PAOX: variants seen among roughly 807,000 people sequenced by gnomAD.
PAOX encodes polyamine oxidase.
In PAOX, 38 loss-of-function variants were observed where a neutral mutation model predicts 39.0. That is an observed-to-expected ratio of 0.97 (90% CI 0.75 to 1.28). The LOEUF is 1.28. PAOX is among the 50% of genes most tolerant of loss of function. PAOX has a pLI of 0.00. For missense variants in PAOX, 667 were observed against 685.7 expected (o/e 0.97, Z 0.30); for synonymous variants, 311 against 314.4 (o/e 0.99, Z 0.11).
At position 133,384,219 on chromosome 10, in the gene PAOX, T is replaced by C; in HGVS notation, c.1121+7T>C. ...TGGTCCTGCCTGCCTTTGCGTACGT[T>C]TGCTCCCTGAGAAGTTCTGCGAGTG... On this transcript the variant is annotated splice_region_variant and intron_variant, in intron 4 of 6. Coordinates refer to ENST00000278060, the MANE Select transcript of PAOX (RefSeq NM_152911.4). This position sits in a 1 kb window ranked among gnomAD's most constrained non-coding sequence, Gnocchi z 4.3. 1 of 1,611,774 alleles carries C rather than the reference T, an allele frequency of 6.2e-7. No homozygotes were observed. Among genetic ancestry groups the C allele is most frequent in the Non-Finnish European group, 8.5e-7 (1 of 1,178,782 alleles).
At chr10:133,386,944 C>T (rs1849545873) in intron 4 of PAOX, among the ~76,000 whole-genome samples, 1 of 152,182 alleles carries the variant, frequency 6.6e-6, no homozygotes, top group African/African-American at 2.4e-5. Flanking sequence ...GTCTGTCTTG[C>T]ACTTTAAATG....
intron 6 of PAOX, 80 bp from the exon 7 acceptor site, chr10:133,391,232 T>G: frequency 1.4e-4 from 196 of 1,416,006 alleles, no homozygotes; most frequent in Non-Finnish European, 1.8e-4. Flanking sequence ...TGGATGCTTG[T>G]GAGCCATTTT....
intron 1 of PAOX, 176 bp downstream of exon 1, chr10:133,379,673 TAGTC>T (rs1015908949): frequency 4.9e-6 from 3 of 606,276 alleles, no homozygotes; most frequent in South Asian, 7.4e-5. Flanking sequence ...GGCTCAGAGT[TAGTC>T]AGGAGGGCGC....
In PAOX at chr10:133,389,767, CG is replaced by C. The variant is rs761546014; in HGVS notation, c.1392+26del. On this transcript the variant is annotated intron_variant, in intron 6 of 6. Transcript: ENST00000278060. ...GCCCAGGTATGTGGCGTGCCCCAGT[CG>C]GGGGGCGTGGGTCCCGCTGCAGAGG... The C allele has an allele frequency of 7.5e-6, 11 of 1,457,044 alleles. No homozygotes were observed. In the Admixed American group the frequency reaches 1.0e-4, roughly 13 times the overall value. 90.3% of individuals were successfully genotyped at this position (1,457,044 alleles called of 1,614,324 possible).
At position 133,391,613 on chromosome 10, in the gene PAOX, T is replaced by C; in HGVS notation, c.*158T>C. 1 of 1,190,760 alleles carries C rather than the reference T, an allele frequency of 8.4e-7. No individual in the cohort carries two copies. The highest frequency in any genetic ancestry group is 1.2e-6 in the Non-Finnish European group (1 of 868,806). 73.8% of individuals were successfully genotyped at this position (1,190,760 alleles called of 1,614,324 possible). On this transcript the variant is annotated 3_prime_UTR_variant, in exon 7 of 7. Transcript: ENST00000278060. ...CCTTCTCAGTTCTTGTGTCTGTTAT[T>C]GGAGTCTGGCCAGGGTTGACTTGAG...
intron 6 of PAOX, 93 bp from the exon 7 acceptor site, chr10:133,391,219 T>C: frequency 1.5e-6 from 2 of 1,296,088 alleles, no homozygotes; most frequent in Admixed American, 1.7e-5. Context: ...TCCTGCTTCT[T>C]GGTGGATGCT....
intron 4 of PAOX, among the ~76,000 whole-genome samples, chr10:133,386,465 A>G (rs1446202278): frequency 6.6e-6 from 1 of 152,152 alleles, no homozygotes; most frequent in Admixed American, 6.5e-5. Flanking sequence ...ATGTGGTTGG[A>G]AGAAGGAGTG....
Position 133,391,410 on chromosome 10 carries a change from C to T in PAOX, c.1491C>T (p.Leu497=), listed in dbSNP as rs140094339. 4.3e-5 allele frequency: 69 copies of T among 1,613,006 alleles called. No homozygotes were observed. In the East Asian group the frequency reaches 6.7e-4, roughly 16 times the overall value. The change falls in exon 7 of 7, where the codon CTC becomes CTT. Residue 497 remains leucine (L), a synonymous_variant. Transcript: ENST00000278060. Reference sequence around the variant, plus strand: ...GATGGAGGGAGGCCGACCGCCTCCTCAGTCTGTGGGCCCCGCAGGTGCAGC... The same window carrying T: ...GATGGAGGGAGGCCGACCGCCTCCTTAGTCTGTGGGCCCCGCAGGTGCAGC... ...LSGWREADRL[L]SLWAPQVQQP...
Position 133,391,517 on chromosome 10 carries a change from G to C in PAOX, c.*62G>C. 1.3e-6 allele frequency: 2 copies of C among 1,534,432 alleles called. No individual in the cohort carries two copies. Among genetic ancestry groups the C allele is most frequent in the Non-Finnish European group, 1.7e-6 (2 of 1,143,964 alleles). ...GTAGGCTGGGACCCTCATTTCTTCTGACAGATTTCAGTCTGGCTTGAAATT... is the reference window on the plus strand; with the variant it reads ...GTAGGCTGGGACCCTCATTTCTTCTCACAGATTTCAGTCTGGCTTGAAATT... On this transcript the variant is annotated 3_prime_UTR_variant, in exon 7 of 7. Coordinates refer to ENST00000278060, the MANE Select transcript of PAOX (RefSeq NM_152911.4).
Position 133,380,046 on chromosome 10 carries a change from G to A in PAOX, c.229G>A (p.Gly77Ser). 9 of 1,525,290 alleles carry A rather than the reference G, an allele frequency of 5.9e-6. No homozygotes were observed. Among genetic ancestry groups the A allele is most frequent in the Non-Finnish European group, 7.0e-6 (8 of 1,140,082 alleles). The allele number at this position is 1,525,290 out of a possible 1,614,324, so 94.5% of individuals were successfully genotyped here. ...GCACTGGATCCATGGGCCCTCCCGG[G>A]GTAACCCCGTCTTCCAGCTGGCTGC... ...GAHWIHGPSR[G>S]NPVFQLAAEY... Residue 77 changes from glycine to serine, a missense_variant, in exon 2 of 7, where the codon GGT becomes AGT. By Grantham distance (56) the Gly-to-Ser change is moderately conservative (BLOSUM62 0). Transcript: ENST00000278060.
In PAOX at chr10:133,388,988, G is replaced by C; in HGVS notation, c.1154G>C (p.Gly385Ala). 1 of 1,614,022 alleles carries C rather than the reference G, an allele frequency of 6.2e-7. No individual in the cohort carries two copies. Among genetic ancestry groups the C allele is most frequent in the South Asian group, 1.1e-5 (1 of 91,058 alleles). Residue 385 changes from glycine to alanine, a missense_variant, in exon 5 of 7, where the codon GGA becomes GCA. Transcript: ENST00000278060. ...CACGTTCTCTGTGGGTTCATTGCCG[G>C]ACTTGAGTCTGAGTTCATGGAGACT... ...SVHVLCGFIA[G>A]LESEFMETLS...
At chr10:133,387,653 G>C (rs999751450) in intron 4 of PAOX, among the ~76,000 whole-genome samples, 34 of 152,360 alleles carry the variant, frequency 2.2e-4, no homozygotes, top group Non-Finnish European at 2.9e-4. Flanking sequence ...TGTGCTAGGT[G>C]AGTCCTCCAC....
chr10:133,389,739 G>A lies in PAOX; in HGVS notation c.1384G>A (p.Gly462Ser), dbSNP rs376638594. ...TCAGCCCCTCCCTGCAGACGGCGCC[G>A]GCGCCCAGGTATGTGGCGTGCCCCA... is the stretch of plus-strand genomic sequence containing the variant. ...LAQPLPADGA[G>S]AQLQILFAGE... Residue 462 changes from glycine to serine, a missense_variant, in exon 6 of 7, where the codon GGC becomes AGC. By Grantham distance (56) the Gly-to-Ser change is moderately conservative. Coordinates refer to ENST00000278060, the MANE Select transcript of PAOX (RefSeq NM_152911.4). 1.4e-5 allele frequency: 22 copies of A among 1,542,874 alleles called. No individual in the cohort carries two copies. The highest frequency in any genetic ancestry group is 1.4e-4 in the African/African-American group (10 of 72,148).
chr10:133,381,509 A>G lies in PAOX; in HGVS notation c.718A>G (p.Thr240Ala), dbSNP rs1191133122. 3.7e-6 allele frequency: 6 copies of G among 1,613,526 alleles called. No homozygotes were observed. Among genetic ancestry groups the G allele is most frequent in the Non-Finnish European group, 5.1e-6 (6 of 1,180,018 alleles). ...CATGATGGCCGCCCTGCCGGAGGACACTGTAGTTTTTGAGAAGCCTGTGAA... is the reference window on the plus strand; with the variant it reads ...CATGATGGCCGCCCTGCCGGAGGACGCTGTAGTTTTTGAGAAGCCTGTGAA... ...NCMMAALPEDTVVFEKPVKTI... is the reference protein window; with the variant it reads ...NCMMAALPEDAVVFEKPVKTI... Residue 240 changes from threonine (T) to alanine (A), a missense_variant, in exon 3 of 7, where the codon ACT (threonine) becomes GCT (alanine). Thr to Ala is a moderately conservative substitution (Grantham distance 58). Coordinates refer to ENST00000278060, the MANE Select transcript of PAOX (RefSeq NM_152911.4).
chr10:133,389,718 C>A lies in PAOX; in HGVS notation c.1363C>A (p.Pro455Thr). ...GGGCGACCTGGACCTGCTGGCTCAGCCCCTCCCTGCAGACGGCGCCGGCGC... is the reference window on the plus strand; with the variant it reads ...GGGCGACCTGGACCTGCTGGCTCAGACCCTCCCTGCAGACGGCGCCGGCGC... ...TGGDLDLLAQ[P>T]LPADGAGAQL... Residue 455 changes from proline to threonine, a missense_variant, in exon 6 of 7, where the codon CCC becomes ACC. Pro to Thr is a conservative substitution (Grantham distance 38). Transcript: ENST00000278060. The A allele has an allele frequency of 1.9e-6, 3 of 1,572,172 alleles. No individual in the cohort carries two copies. Among genetic ancestry groups the A allele is most frequent in the African/African-American group, 1.4e-5 (1 of 73,322 alleles).
In PAOX at chr10:133,384,274, G is replaced by A; in HGVS notation, c.1121+62G>A. On this transcript the variant is annotated intron_variant, in intron 4 of 6. Coordinates refer to ENST00000278060, the MANE Select transcript of PAOX (RefSeq NM_152911.4). The surrounding 1 kb of genome is among the most constrained non-coding windows in gnomAD (Gnocchi z 4.3). Reference sequence around the variant, plus strand: ...GCTCATAGGCCTTCATCTGATGGAGGACGCAGCAGTGTGTCTGTTCACTGC... The same window carrying A: ...GCTCATAGGCCTTCATCTGATGGAGAACGCAGCAGTGTGTCTGTTCACTGC... 1 of 1,584,740 alleles carries A rather than the reference G, an allele frequency of 6.3e-7. No homozygotes were observed. The highest frequency in any genetic ancestry group is 2.2e-5 in the East Asian group (1 of 44,576).
chr10:133,383,820 C>A (rs566839602), intron 3 of PAOX, 140 bp from the exon 4 acceptor site: 2 of 1,187,212 alleles, frequency 1.7e-6, no homozygotes, highest in Admixed American at 4.6e-5. Flanking sequence ...AAAACAAGGA[C>A]AAAAAAGTAA....
intron 4 of PAOX, among the ~76,000 whole-genome samples, chr10:133,385,403 G>A (rs1369548309): frequency 1.3e-5 from 2 of 152,038 alleles, no homozygotes; most frequent in African/African-American, 2.4e-5. Flanking sequence ...TCCAGGCCCA[G>A]CCCCACCTCC....
rs1019643710 is a variant in PAOX at position 133,380,163 on chromosome 10, G to T, written c.346G>T (p.Ala116Ser). Residue 116 changes from alanine (A) to serine (S), a missense_variant, in exon 2 of 7, where the codon GCC becomes TCC. Coordinates refer to ENST00000278060, the MANE Select transcript of PAOX (RefSeq NM_152911.4). ...GHVGLPSVSYASSGASVSLQL... is the reference protein window; with the variant it reads ...GHVGLPSVSYSSSGASVSLQL... ...CGTGGGCCTGCCCTCCGTGAGCTACGCCAGCTCCGGGGCCAGCGTGAGCCT... is the reference window on the plus strand; with the variant it reads ...CGTGGGCCTGCCCTCCGTGAGCTACTCCAGCTCCGGGGCCAGCGTGAGCCT... 3.7e-6 allele frequency: 6 copies of T among 1,608,604 alleles called. No homozygotes were observed. The African/African-American group carries it at 6.7e-5, about 18-fold the overall frequency.
Sources: gnomAD v4.1 joint callset for allele counts (sites outside exome capture counted in the v4.1 genomes callset) on GRCh38, gnomAD v4.1.1 for gene constraint, Gnocchi (gnomAD v3.1) non-coding constraint, MANE v1.5 for transcripts, NCBI Gene and HGNC (gene_info 2026-07-23, HGNC 2026-07-21) for gene names.